The following SYPL2 variants were observed in gnomAD, a reference collection of about 807,000 sequenced individuals.
SYPL2 encodes synaptophysin like 2.
SYPL2 carries 24 observed loss-of-function variants against 31.3 expected under a neutral mutation model. That is an observed-to-expected ratio of 0.77 (90% CI 0.56 to 1.08). The LOEUF (loss-of-function observed/expected upper bound fraction) is 1.08, where lower values mean the gene tolerates loss of function less well. SYPL2 is among the 50% of genes least tolerant of loss of function. The probability of loss-of-function intolerance (pLI) is 0.00; values close to 1 mark genes in which losing one functional copy is unlikely to be tolerated. For synonymous variants in SYPL2, 144 were observed against 143.1 expected, an observed-to-expected ratio of 1.01 and a Z score of -0.05; for missense variants, 342 against 360.1, an observed-to-expected ratio of 0.95 and a Z score of 0.41.
At chr1:109,467,173 G>A in intron 2 of SYPL2, 40 bp downstream of exon 2, 1 of 1,514,310 alleles carries the variant, frequency 6.6e-7, no homozygotes, top group Non-Finnish European at 8.8e-7. Flanking sequence ...TCGGGAGCCT[G>A]GGCTGTGACG....
At chr1:109,479,235 C>A in intron 5 of SYPL2, 143 bp from the exon 6 acceptor site, 1 of 893,772 alleles carries the variant, frequency 1.1e-6, no homozygotes, top group Non-Finnish European at 1.7e-6. Context: ...TGCCTCTATA[C>A]CGAGCTCTCT....
intron 3 of SYPL2, 133 bp from the exon 4 acceptor site, chr1:109,476,643 A>C (rs1656004772): frequency 1.1e-6 from 1 of 873,770 alleles, no homozygotes; most frequent in Non-Finnish European, 1.7e-6. Context: ...TTCCTTCCAG[A>C]AACTTGCCTC....
At position 109,466,843 on chromosome 1, in the gene SYPL2, C is replaced by G; in HGVS notation, c.-1C>G. ...CCGCGCCCAGCGCTCGCCGCGCCAG[C>G]ATGTCCTCGACCGAGAGCGCCGGCC... On this transcript the variant is annotated 5_prime_UTR_variant, in exon 1 of 6. Coordinates refer to ENST00000369872, the MANE Select transcript of SYPL2 (RefSeq NM_001040709.2). 1 of 1,514,094 alleles carries G rather than the reference C, an allele frequency of 6.6e-7. No homozygotes were observed. The highest frequency in any genetic ancestry group is 8.8e-7 in the Non-Finnish European group (1 of 1,135,154). The allele number at this position is 1,514,094 out of a possible 1,614,324, so 93.8% of individuals were successfully genotyped here.
At position 109,480,382 on chromosome 1, in the gene SYPL2, T is replaced by TTTGA. The variant is rs1656128735; in HGVS notation, c.*834_*835insTTGA. On this transcript the variant is annotated 3_prime_UTR_variant, in exon 6 of 6. Transcript: ENST00000369872. ...CTATCTTCCTCCCTGTCCTCCTTCT[T>TTTGA]GGTCTCACACTTGGGACTCAAAAAT... The TTTGA allele has an allele frequency of 6.6e-6, 1 of 152,264 alleles. No individual in the cohort carries two copies. The highest frequency in any genetic ancestry group is 1.5e-5 in the Non-Finnish European group (1 of 68,092). 9.4% of individuals were successfully genotyped at this position (152,264 alleles called of 1,614,324 possible). A position where few individuals can be genotyped will look rare whatever the true frequency, so the allele number is the denominator to read the frequency against.
rs151190538 is a variant in SYPL2, at chr1:109,478,064, C to T, written c.648+55C>T. The T allele has an allele frequency of 6.3e-7, 1 of 1,596,896 alleles. No homozygotes were observed. Among genetic ancestry groups the T allele is most frequent in the Middle Eastern group, 1.8e-4 (1 of 5,524 alleles). On this transcript the variant is annotated intron_variant, in intron 5 of 5. Transcript: ENST00000369872. This position sits in a 1 kb window ranked among gnomAD's most constrained non-coding sequence, Gnocchi z 4.0. ...CACCAGCCCTGCTGCCCAGGCCTGT[C>T]CCAGCTAGCAGGTCCTGAAAGGAAA...
chr1:109,474,640 C>T (rs576111133), intron 2 of SYPL2, among the ~76,000 whole-genome samples: 1 of 151,926 alleles, frequency 6.6e-6, no homozygotes, highest in Non-Finnish European at 1.5e-5. Context: ...CGCACCTGGC[C>T]TCTCACCTCC....
chr1:109,471,035 G>T (rs1400976293), intron 2 of SYPL2, among the ~76,000 whole-genome samples: 3 of 152,222 alleles, frequency 2.0e-5, no homozygotes, highest in African/African-American at 7.2e-5. Flanking sequence ...CTCAATCAGT[G>T]TTGAGTTAAT....
chr1:109,467,141 G>A lies in SYPL2; in HGVS notation c.129+8G>A, dbSNP rs1655672390. 1 of 1,537,768 alleles carries A rather than the reference G, an allele frequency of 6.5e-7. No individual in the cohort carries two copies. The highest frequency in any genetic ancestry group is 2.5e-5 in the East Asian group (1 of 40,402). On this transcript the variant is annotated splice_region_variant and intron_variant, in intron 2 of 5. Transcript: ENST00000369872. ...ATCAAAGTTCTCCAGTGGGTGAGTC[G>A]CTGCCCCGGCCCCGGGCTATTTCGG... is the stretch of plus-strand genomic sequence containing the variant.
At chr1:109,470,853 A>G (rs1274428130) in intron 2 of SYPL2, among the ~76,000 whole-genome samples, 1 of 152,176 alleles carries the variant, frequency 6.6e-6, no homozygotes, top group East Asian at 1.9e-4. Flanking sequence ...TCCTCAATGC[A>G]CATGGTAGAG....
intron 3 of SYPL2, among the ~76,000 whole-genome samples, 171 bp from the exon 4 acceptor site, chr1:109,476,605 C>T (rs1197975998): frequency 2.2e-4 from 33 of 152,110 alleles, no homozygotes; most frequent in Admixed American, 1.8e-3. Context: ...CTGGAAATTT[C>T]GGGGGAGTTC....
chr1:109,467,158 C>A, intron 2 of SYPL2, 25 bp downstream of exon 2: 1 of 1,530,108 alleles, frequency 6.5e-7, no homozygotes, highest in Middle Eastern at 1.9e-4. Context: ...CGGCCCCGGG[C>A]TATTTCGGGA....
In SYPL2 at chr1:109,466,683, G is replaced by A. The variant is rs936689394; in HGVS notation, c.-161G>A. 8 of 677,884 alleles carry A rather than the reference G, an allele frequency of 1.2e-5. No individual in the cohort carries two copies. In the East Asian group the frequency reaches 2.6e-4, roughly 22 times the overall value. The allele number at this position is 677,884 out of a possible 1,614,324, so 42.0% of individuals were successfully genotyped here. A position where few individuals can be genotyped will look rare whatever the true frequency, so the allele number is the denominator to read the frequency against. On this transcript the variant is annotated 5_prime_UTR_variant, in exon 1 of 6. Transcript: ENST00000369872. ...AGCGCCCCCGCGTCCCAGCCAGCCA[G>A]CCAGCCAGACTGGACTCCGGCCCAC...
In SYPL2 at chr1:109,476,864, G is replaced by T. The variant is rs750587012; in HGVS notation, c.343G>T (p.Ala115Ser). ...CCTCATGGGGGACTTCTCTGCACCC[G>T]CCGAGTTCTTCGTGACCCTTGGCAT... ...MHLMGDFSAP[A>S]EFFVTLGIFS... The change falls in exon 4 of 6, where the codon GCC (alanine) becomes TCC (serine). Residue 115 changes from alanine to serine, a missense_variant. Physicochemically the swap from Ala to Ser is moderately conservative, Grantham distance 99. Transcript: ENST00000369872. 1 of 1,614,042 alleles carries T rather than the reference G, an allele frequency of 6.2e-7. No individual in the cohort carries two copies. Among genetic ancestry groups the T allele is most frequent in the African/African-American group, 1.3e-5 (1 of 74,918 alleles).
intron 2 of SYPL2, among the ~76,000 whole-genome samples, chr1:109,467,997 A>G (rs1655707758): frequency 1.3e-5 from 2 of 152,270 alleles, no homozygotes; most frequent in Admixed American, 1.3e-4. Flanking sequence ...TTACTTTGTG[A>G]CCTTGAAAAA....
intron 2 of SYPL2, among the ~76,000 whole-genome samples, chr1:109,472,599 T>C (rs1204064824): frequency 6.9e-6 from 1 of 144,730 alleles, no homozygotes; most frequent in Admixed American, 7.5e-5. Flanking sequence ...ACTTTCTTTT[T>C]CTTTACTTTT....
At chr1:109,473,579 A>G (rs1167703438) in intron 2 of SYPL2, among the ~76,000 whole-genome samples, 3 of 152,072 alleles carry the variant, frequency 2.0e-5, no homozygotes, top group Non-Finnish European at 4.4e-5. Flanking sequence ...GGGCCTCTAG[A>G]TTATCTACTC....
rs1383312001 is a variant in SYPL2, at chr1:109,481,032, A to C, written c.*1484A>C. On this transcript the variant is annotated 3_prime_UTR_variant, in exon 6 of 6. Coordinates refer to ENST00000369872, the MANE Select transcript of SYPL2 (RefSeq NM_001040709.2). ...GCCAATTGGCCCACTAAGCATCCTA[A>C]AGGTGAATGTGCCCTGTGCCAATCT... The C allele has an allele frequency of 6.6e-6, 1 of 152,620 alleles. No homozygotes were observed. The highest frequency in any genetic ancestry group is 1.5e-5 in the Non-Finnish European group (1 of 68,072). The allele number at this position is 152,620 out of a possible 1,614,324, so 9.5% of individuals were successfully genotyped here.
intron 2 of SYPL2, among the ~76,000 whole-genome samples, chr1:109,471,449 G>T (rs1655829229): frequency 6.6e-6 from 1 of 152,184 alleles, no homozygotes; most frequent in Non-Finnish European, 1.5e-5. Flanking sequence ...AGAACCTCAG[G>T]ACCGTCGTTT....
intron 2 of SYPL2, among the ~76,000 whole-genome samples, chr1:109,471,924 T>C (rs1655847785): frequency 6.6e-6 from 1 of 151,880 alleles, no homozygotes; most frequent in Non-Finnish European, 1.5e-5. Context: ...AGGCTGGTCT[T>C]GAACTCCTGG....
Sources: gnomAD v4.1 joint callset for allele counts (sites outside exome capture counted in the v4.1 genomes callset) on GRCh38, gnomAD v4.1.1 for gene constraint, Gnocchi (gnomAD v3.1) non-coding constraint, MANE v1.5 for transcripts, NCBI Gene and HGNC (gene_info 2026-07-23, HGNC 2026-07-21) for gene names.